The following KIF13A variants were observed in gnomAD, a reference collection of about 807,000 sequenced individuals.
KIF13A encodes the protein kinesin family member 13A.
A neutral mutation model predicts 212.2 loss-of-function variants in KIF13A; 79 were observed. The ratio of observed to expected loss-of-function variants is 0.37; its 90% CI spans 0.31 to 0.45. KIF13A has a LOEUF of 0.45. Among genes scored for constraint, KIF13A ranks in the 20% least tolerant of loss-of-function variants. The pLI, the probability that KIF13A is intolerant of heterozygous loss-of-function variation, is 1.00. For missense variants in KIF13A, 1,901 were observed against 2,209.0 expected (o/e 0.86, Z 2.79); for synonymous variants, 789 against 808.6 (o/e 0.98, Z 0.41).
At chr6:17,894,504 CT>C (rs974047498) in intron 3 of KIF13A, among the ~76,000 whole-genome samples, 14 of 147,974 alleles carry the variant, frequency 9.5e-5, no homozygotes, top group East Asian at 5.9e-4. Context: ...ATAATCATGA[CT>C]TTTTTTTTTA....
chr6:17,778,743 T>C (rs1026171276), intron 33 of KIF13A, among the ~76,000 whole-genome samples: 1 of 152,236 alleles, frequency 6.6e-6, no homozygotes, highest in South Asian at 2.1e-4. Context: ...TCAGGCTCAG[T>C]GCTTGGCAAG....
intron 2 of KIF13A, among the ~76,000 whole-genome samples, chr6:17,944,245 C>T (rs1355928802): frequency 6.6e-6 from 1 of 152,132 alleles, no homozygotes; most frequent in Non-Finnish European, 1.5e-5. Flanking sequence ...AAAACTTCAC[C>T]CTGTTTTCTG....
At chr6:17,950,616 TAAC>T (rs1777765015) in intron 2 of KIF13A, 7 of 985,092 alleles carry the variant, frequency 7.1e-6, no homozygotes, top group Middle Eastern at 5.2e-4. Context: ...CTGAGCATCT[TAAC>T]AAAATTAAAA....
chr6:17,798,277 G>A (rs557755086), intron 22 of KIF13A, among the ~76,000 whole-genome samples: 2 of 152,182 alleles, frequency 1.3e-5, no homozygotes, highest in South Asian at 2.1e-4. Context: ...GAAGCTCTGG[G>A]ACTAGCATTT....
rs902506895 is a variant in KIF13A, at chr6:17,785,471, T to G, written c.3488+44A>C. 1 of 1,469,966 alleles carries G rather than the reference T, an allele frequency of 6.8e-7. No homozygotes were observed. Among genetic ancestry groups the G allele is most frequent in the Non-Finnish European group, 9.0e-7 (1 of 1,113,642 alleles). 91.1% of individuals were successfully genotyped at this position (1,469,966 alleles called of 1,614,324 possible). A position where few individuals can be genotyped will look rare whatever the true frequency, so the allele number is the denominator to read the frequency against. ...TGCATGGCTCTTGCCACAGGCGACC[T>G]GTACCATCTCCCCAGGTCTGCACAG... On this transcript the variant is annotated intron_variant, in intron 28 of 38. Transcript: ENST00000259711. The surrounding 1 kb of genome is among the most constrained non-coding windows in gnomAD (Gnocchi z 5.8).
In KIF13A at chr6:17,940,826, T is replaced by A. The variant is rs1474646507; in HGVS notation, c.147-42646A>T. Among the ~76,000 whole-genome samples, 515 of 149,506 alleles carry A rather than the reference T, an allele frequency of 3.4e-3. 4 individuals carry two copies. Among genetic ancestry groups the A allele is most frequent in the African/African-American group, 9.9e-3 (397 of 40,064 alleles). ...TAACACATGTAAATTTATTTTTTTT[T>A]TTTTTTTTTTTTTTTTTGAGACAGA... On this transcript the variant is annotated intron_variant, in intron 2 of 38. Transcript: ENST00000259711.
At chr6:17,964,046 G>A (rs1056420414) in intron 2 of KIF13A, among the ~76,000 whole-genome samples, 1 of 152,138 alleles carries the variant, frequency 6.6e-6, no homozygotes, top group Non-Finnish European at 1.5e-5. Context: ...GATTCCAGGA[G>A]GTTCGTGGTT....
chr6:17,781,633 T>TG (rs1760593727), intron 29 of KIF13A, among the ~76,000 whole-genome samples: 1 of 148,492 alleles, frequency 6.7e-6, no homozygotes, highest in Admixed American at 6.7e-5. Flanking sequence ...GTTTTTTTTT[T>TG]TTTTTTTTTT....
In KIF13A at chr6:17,915,944, AAAATAAAAAT is replaced by A. The variant is rs1178654194; in HGVS notation, c.147-17774_147-17765del. Among the ~76,000 whole-genome samples the A allele has an allele frequency of 7.6e-6, 1 of 131,626 alleles. No individual in the cohort carries two copies. Among genetic ancestry groups the A allele is most frequent in the East Asian group, 2.7e-4 (1 of 3,646 alleles). The allele number at this position is 131,626 out of a possible 152,430, so 86.4% of individuals were successfully genotyped here. A position where few individuals can be genotyped will look rare whatever the true frequency, so the allele number is the denominator to read the frequency against. On this transcript the variant is annotated intron_variant, in intron 2 of 38. Transcript: ENST00000259711. The surrounding 1 kb of genome is among the most constrained non-coding windows in gnomAD (Gnocchi z 4.4). The stretch of plus-strand genomic sequence containing the variant: ...TGACAGAGAGCCAGTCTCAAAAAAA[AAAATAAAAAT>A]AAAAATAAAATAAAATAAAATAAAT...
chr6:17,987,593 G>A lies in KIF13A; in HGVS notation c.-130C>T, dbSNP rs1170013180. 4 of 376,104 alleles carry A rather than the reference G, an allele frequency of 1.1e-5. No individual in the cohort carries two copies. The East Asian group carries it at 5.1e-4, about 48-fold the overall frequency. The allele number at this position is 376,104 out of a possible 1,614,324, so 23.3% of individuals were successfully genotyped here. A position where few individuals can be genotyped will look rare whatever the true frequency, so the allele number is the denominator to read the frequency against. On this transcript the variant is annotated 5_prime_UTR_variant, in exon 1 of 39. Transcript: ENST00000259711. The surrounding 1 kb of genome is among the most constrained non-coding windows in gnomAD (Gnocchi z 7.7). The stretch of plus-strand genomic sequence containing the variant: ...GCCGCCGCTCCGCCGTGAGCTCCGA[G>A]AGGCAGCGCCGAGGCGCGCGGGCCA...
At chr6:17,780,172 C>T (rs752657773) in intron 31 of KIF13A, among the ~76,000 whole-genome samples, 6 of 152,242 alleles carry the variant, frequency 3.9e-5, no homozygotes, top group Admixed American at 6.5e-5. Context: ...GGGATACTAA[C>T]GTCCAGCTGT....
At chr6:17,976,191 C>T (rs1276845482) in intron 2 of KIF13A, among the ~76,000 whole-genome samples, 1 of 152,254 alleles carries the variant, frequency 6.6e-6, no homozygotes, top group African/African-American at 2.4e-5. Flanking sequence ...CGCCGGCACT[C>T]CTCAGCCCTT....
intron 23 of KIF13A, among the ~76,000 whole-genome samples, chr6:17,795,202 G>A (rs1330185873): frequency 6.6e-6 from 1 of 151,982 alleles, no homozygotes; most frequent in Non-Finnish European, 1.5e-5. Context: ...TACTTTATTT[G>A]TGAATAATAC....
At chr6:17,953,979 A>C (rs955374798) in intron 2 of KIF13A, 1 of 154,842 alleles carries the variant, frequency 6.5e-6, no homozygotes, top group African/African-American at 2.4e-5. Flanking sequence ...CTCAAAAAAA[A>C]TTTTTTTTTC....
intron 2 of KIF13A, among the ~76,000 whole-genome samples, chr6:17,917,313 T>C (rs1774616507): frequency 7.0e-6 from 1 of 142,072 alleles, no homozygotes; most frequent in South Asian, 2.3e-4. Context: ...CGACCTCAGC[T>C]CACTGCAACC....
chr6:17,971,971 T>C lies in KIF13A; in HGVS notation c.146+15083A>G, dbSNP rs1779842449. Among the ~76,000 whole-genome samples, 1 of 152,200 alleles carries C rather than the reference T, an allele frequency of 6.6e-6. No individual in the cohort carries two copies. The highest frequency in any genetic ancestry group is 1.5e-5 in the Non-Finnish European group (1 of 68,036). On this transcript the variant is annotated intron_variant, in intron 2 of 38. Transcript: ENST00000259711. This position sits in a 1 kb window ranked among gnomAD's most constrained non-coding sequence, Gnocchi z 4.2. ...AGCAATTTTTGAACACTATTTCCAA[T>C]GCATAATTCATCATAAAAATGTAGA...
intron 20 of KIF13A, 59 bp from the exon 21 acceptor site, chr6:17,800,172 C>G (rs1762363456): frequency 6.5e-7 from 1 of 1,527,356 alleles, no homozygotes; most frequent in Non-Finnish European, 8.9e-7. Context: ...CAACCTCGAC[C>G]CAAGACAGAC....
At chr6:17,885,937 A>G (rs1157259769) in intron 3 of KIF13A, among the ~76,000 whole-genome samples, 1 of 152,180 alleles carries the variant, frequency 6.6e-6, no homozygotes, top group African/African-American at 2.4e-5. Flanking sequence ...CAGTTCTTTC[A>G]TATCCTGATC....
chr6:17,817,968 T>A (rs1408952961), intron 16 of KIF13A, among the ~76,000 whole-genome samples: 1 of 152,174 alleles, frequency 6.6e-6, no homozygotes, highest in Non-Finnish European at 1.5e-5. Context: ...TATAGGTAAA[T>A]CCTAATGGGC....
Sources: allele counts gnomAD v4.1 joint callset (sites outside exome capture counted in the v4.1 genomes callset), GRCh38; gene constraint gnomAD v4.1.1; non-coding constraint Gnocchi (gnomAD v3.1); transcripts MANE v1.5; gene names NCBI Gene and HGNC (gene_info 2026-07-23, HGNC 2026-07-21).